Variants in CSMD3 observed in about 807,000 individuals in gnomAD.
CSMD3 encodes CUB and Sushi multiple domains 3.
CSMD3 carries 177 observed loss-of-function variants against 435.2 expected under a neutral mutation model. The ratio of observed to expected loss-of-function variants is 0.41; its 90% CI spans 0.36 to 0.46. The LOEUF is 0.46. Ranked by LOEUF, CSMD3 falls within the 20% of genes least tolerant of loss-of-function variation. CSMD3 has a pLI of 0.34. For synonymous variants in CSMD3, 1,656 were observed against 1,520.5 expected (o/e 1.09, Z -2.07); for missense variants, 4,265 against 4,504.6 (o/e 0.95, Z 1.52).
chr8:112,922,174 A>G (rs909364407), intron 9 of CSMD3, among the ~76,000 whole-genome samples: 6 of 152,098 alleles, frequency 3.9e-5, no homozygotes, highest in Admixed American at 1.3e-4. Context: ...ATGTATTTAG[A>G]GATGCAAAAT....
chr8:112,297,715 A>G (rs1820455296), intron 53 of CSMD3, among the ~76,000 whole-genome samples: 1 of 152,186 alleles, frequency 6.6e-6, no homozygotes, highest in African/African-American at 2.4e-5. Flanking sequence ...TTATATTTTT[A>G]AAACATCTTA....
chr8:112,642,442 G>A (rs2074858372), intron 20 of CSMD3, among the ~76,000 whole-genome samples: 1 of 152,152 alleles, frequency 6.6e-6, no homozygotes, highest in African/African-American at 2.4e-5. Context: ...ACAATTGTAT[G>A]TGTTCAAACA....
At chr8:112,236,366 G>T (rs1423122696) in intron 67 of CSMD3, among the ~76,000 whole-genome samples, 1 of 151,958 alleles carries the variant, frequency 6.6e-6, no homozygotes, top group African/African-American at 2.4e-5. Context: ...ATTTATTGAG[G>T]CCTATTTTGT....
chr8:112,821,846 C>T (rs964870842), intron 12 of CSMD3, among the ~76,000 whole-genome samples: 2 of 152,104 alleles, frequency 1.3e-5, no homozygotes, highest in African/African-American at 4.8e-5. Flanking sequence ...AGGAAAGGGT[C>T]CAGTTTCAGT....
intron 2 of CSMD3, among the ~76,000 whole-genome samples, chr8:113,309,038 T>C (rs1410913141): frequency 6.6e-6 from 1 of 152,118 alleles, no homozygotes; most frequent in Non-Finnish European, 1.5e-5. Flanking sequence ...AACCTCCGCT[T>C]CCTGGGTTCA....
At chr8:112,341,197 T>C (rs1825072174) in intron 42 of CSMD3, among the ~76,000 whole-genome samples, 1 of 152,074 alleles carries the variant, frequency 6.6e-6, no homozygotes, top group African/African-American at 2.4e-5. Flanking sequence ...CTTGCTTATT[T>C]GCCATGCCTT....
rs146535858 is a variant in CSMD3, at chr8:112,588,567, A to C, written c.3716-1332T>G. Among the ~76,000 whole-genome samples, 258 of 152,226 alleles carry C rather than the reference A, an allele frequency of 1.7e-3. 3 individuals are homozygous for C. The highest frequency in any genetic ancestry group is 6.0e-3 in the African/African-American group (248 of 41,554). ...TATGTCCTTATGCTTTTAGCTGCGTACAATTATAATACCAAAACCAGTTTA... is the reference window on the plus strand; with the variant it reads ...TATGTCCTTATGCTTTTAGCTGCGTCCAATTATAATACCAAAACCAGTTTA... On this transcript the variant is annotated intron_variant, in intron 22 of 70. Coordinates refer to ENST00000297405, the MANE Select transcript of CSMD3 (RefSeq NM_198123.2).
intron 11 of CSMD3, among the ~76,000 whole-genome samples, chr8:112,834,839 G>T (rs1014156915): frequency 2.0e-5 from 3 of 151,714 alleles, no homozygotes; most frequent in African/African-American, 7.2e-5. Flanking sequence ...CATACATTTT[G>T]CCTGTTTTAC....
chr8:112,351,224 AC>A lies in CSMD3; in HGVS notation c.6275del (p.Cys2092LeufsTer6), dbSNP rs1826108749. ...TCCATCTTCTTACAGGTCCTGGCAT[AC>A]ATGTAATGTGAGAGTGACCCTACAT... ...YSLQGHSHIT[C>X]MPGPVRRWNY... On this transcript the variant is annotated frameshift_variant, in exon 40 of 71. Transcript: ENST00000297405. LOFTEE classifies it high-confidence loss of function. 1 of 1,609,446 alleles carries A rather than the reference AC, an allele frequency of 6.2e-7. No homozygotes were observed.
intron 1 of CSMD3, among the ~76,000 whole-genome samples, chr8:113,366,298 G>T (rs549099030): frequency 4.0e-5 from 6 of 151,872 alleles, no homozygotes; most frequent in African/African-American, 1.4e-4. Flanking sequence ...TTCTTTATAG[G>T]ACACAAGGAT....
chr8:112,652,818 A>T (rs2075160526), intron 18 of CSMD3, among the ~76,000 whole-genome samples: 1 of 150,146 alleles, frequency 6.7e-6, no homozygotes, highest in African/African-American at 2.4e-5. Context: ...GCTTTAGAAG[A>T]TTTTTTTTTT....
Position 112,318,869 on chromosome 8 carries a change from A to C in CSMD3, c.7328T>G (p.Leu2443Arg), listed in dbSNP as rs368721189. 302 of 1,612,394 alleles carry C rather than the reference A, an allele frequency of 1.9e-4. No homozygotes were observed. The highest frequency in any genetic ancestry group is 2.5e-4 in the Non-Finnish European group (294 of 1,179,218). ...AACTGGAGGTGCTCCATCCATCTGC[A>C]GTCGTTCTCCTAATCTGCACGTCAG... ...AILTCRLGERLQMDGAPPVCQ... is the reference protein window; with the variant it reads ...AILTCRLGERRQMDGAPPVCQ... Residue 2443 changes from leucine to arginine, a missense_variant, in exon 47 of 71, where the codon CTG (leucine) becomes CGG (arginine). By Grantham distance (102) the Leu-to-Arg change is moderately radical. Transcript: ENST00000297405.
At chr8:112,313,545 A>C (rs183983885) in intron 49 of CSMD3, among the ~76,000 whole-genome samples, 270 of 152,264 alleles carry the variant, frequency 1.8e-3, no homozygotes, top group African/African-American at 6.2e-3. Context: ...TTAAAGTATT[A>C]AAAATCACAG....
At chr8:113,193,292 A>C (rs748201291) in intron 3 of CSMD3, among the ~76,000 whole-genome samples, 2 of 151,408 alleles carry the variant, frequency 1.3e-5, no homozygotes, top group Non-Finnish European at 3.0e-5. Context: ...AGAAAATGGG[A>C]AGATGCCTAG....
At chr8:112,253,456 C>T (rs1815467672) in intron 63 of CSMD3, among the ~76,000 whole-genome samples, 1 of 151,886 alleles carries the variant, frequency 6.6e-6, no homozygotes, top group Non-Finnish European at 1.5e-5. Flanking sequence ...AAATATGGCC[C>T]TTTAGATGAG....
At chr8:112,795,054 C>G (rs2078793672) in intron 13 of CSMD3, among the ~76,000 whole-genome samples, 1 of 152,004 alleles carries the variant, frequency 6.6e-6, no homozygotes, top group Admixed American at 6.6e-5. Context: ...TGGCTAGGGT[C>G]TTTCTTACTC....
intron 18 of CSMD3, 44 bp downstream of exon 18, chr8:112,656,110 G>C (rs1228059732): frequency 1.9e-6 from 2 of 1,033,342 alleles, no homozygotes; most frequent in Non-Finnish European, 3.0e-6. Context: ...ACAAAAAGTA[G>C]GGCAAACAGA....
At chr8:112,844,404 T>TTTAG (rs1393256190) in intron 11 of CSMD3, among the ~76,000 whole-genome samples, 1 of 152,036 alleles carries the variant, frequency 6.6e-6, no homozygotes, top group Non-Finnish European at 1.5e-5. Flanking sequence ...CAAGTTGTCC[T>TTTAG]TACTAAAGAC....
At chr8:112,451,061 T>C (rs10112911) in intron 32 of CSMD3, among the ~76,000 whole-genome samples, 64,873 of 152,014 alleles carry the variant, frequency 0.43, 14,826 homozygotes, top group Middle Eastern at 0.6. Flanking sequence ...AAAAATATTA[T>C]GGAACTATTA....
Sources: gnomAD v4.1 joint callset for allele counts (sites outside exome capture counted in the v4.1 genomes callset) on GRCh38, gnomAD v4.1.1 for gene constraint, MANE v1.5 for transcripts, NCBI Gene and HGNC (gene_info 2026-07-23, HGNC 2026-07-21) for gene names.